RIMBP2: variants seen among roughly 807,000 people sequenced by gnomAD.
RIMBP2 encodes RIMS binding protein 2.
A neutral mutation model predicts 118.6 loss-of-function variants in RIMBP2; 48 were observed. The ratio of observed to expected loss-of-function variants is 0.40; its 90% CI spans 0.32 to 0.51. The LOEUF is 0.51. Among genes scored for constraint, RIMBP2 ranks in the 20% least tolerant of loss-of-function variants. RIMBP2 has a pLI of 0.41. For missense variants in RIMBP2, 1,551 were observed against 1,768.3 expected (o/e 0.88, Z 2.20); for synonymous variants, 762 against 742.9 (o/e 1.03, Z -0.42).
chr12:130,461,433 G>A (rs113326735), intron 6 of RIMBP2, among the ~76,000 whole-genome samples: 11 of 152,294 alleles, frequency 7.2e-5, no homozygotes, highest in East Asian at 1.9e-4. Context: ...GCCTCGGCCC[G>A]GGTGCAGCCC....
rs990554166 is a variant in RIMBP2 at position 130,459,247 on chromosome 12, C to T, written c.154-2547G>A. On this transcript the variant is annotated intron_variant, in intron 6 of 22. Transcript: ENST00000690449. The stretch of plus-strand genomic sequence containing the variant: ...CTGATGGTGGTGGTGGTGGTGGTTA[C>T]GAGAATCTGTATATACCACCAAATG... Among the ~76,000 whole-genome samples the T allele has an allele frequency of 6.7e-5, 10 of 148,304 alleles. 1 individual carries two copies. The highest frequency in any genetic ancestry group is 6.1e-4 in the Admixed American group (9 of 14,848).
At chr12:130,449,785 G>A (rs921255916) in intron 9 of RIMBP2, among the ~76,000 whole-genome samples, 3 of 152,052 alleles carry the variant, frequency 2.0e-5, no homozygotes, top group Non-Finnish European at 2.9e-5. Flanking sequence ...AGGGCGAGGC[G>A]GCCAGGCAGG....
At chr12:130,536,152 A>T (rs568743999) in intron 2 of RIMBP2, among the ~76,000 whole-genome samples, 15 of 152,138 alleles carry the variant, frequency 9.9e-5, no homozygotes, top group Non-Finnish European at 2.1e-4. Flanking sequence ...GCATTTAAGT[A>T]ATAGTGTGGG....
intron 4 of RIMBP2, among the ~76,000 whole-genome samples, chr12:130,497,050 C>T (rs934747556): frequency 2.0e-5 from 3 of 152,064 alleles, no homozygotes; most frequent in South Asian, 2.1e-4. Context: ...CTGGGCGCTC[C>T]ATGGCTCTGA....
intron 1 of RIMBP2, among the ~76,000 whole-genome samples, chr12:130,692,706 C>T (rs1408750655): frequency 6.6e-6 from 1 of 151,860 alleles, no homozygotes; most frequent in African/African-American, 2.4e-5. Context: ...AAAAACTAAA[C>T]ATGGAATGGG....
At position 130,446,025 on chromosome 12, in the gene RIMBP2, C is replaced by CCG. The variant is rs893693591; in HGVS notation, c.582-757_582-756insCG. Among the ~76,000 whole-genome samples the CCG allele has an allele frequency of 2.0e-5, 3 of 149,772 alleles. No individual in the cohort carries two copies. The highest frequency in any genetic ancestry group is 4.5e-5 in the Non-Finnish European group (3 of 66,956). On this transcript the variant is annotated intron_variant, in intron 9 of 22. Transcript: ENST00000690449. This position sits in a 1 kb window ranked among gnomAD's most constrained non-coding sequence, Gnocchi z 4.1. ...CAGACGCATGATTTTATGCTCCCCC[C>CCG]CCCCACACCCCCAGGAATATAAGAG...
chr12:130,421,970 G>A (rs1462267607), intron 17 of RIMBP2, among the ~76,000 whole-genome samples: 1 of 152,184 alleles, frequency 6.6e-6, no homozygotes, highest in Non-Finnish European at 1.5e-5. Context: ...GATGGATGTG[G>A]GGAGCACACA....
At chr12:130,597,960 T>C (rs569442652) in intron 2 of RIMBP2, among the ~76,000 whole-genome samples, 2 of 152,302 alleles carry the variant, frequency 1.3e-5, no homozygotes, top group East Asian at 3.9e-4. Flanking sequence ...TCTTTATTTG[T>C]GGACAACAGG....
intron 14 of RIMBP2, 95 bp from the exon 15 acceptor site, chr12:130,428,432 G>T: frequency 1.5e-6 from 2 of 1,331,642 alleles, no homozygotes; most frequent in African/African-American, 1.5e-5. Context: ...CTGCTTCGCT[G>T]ACTCACGGGG....
At chr12:130,459,706 C>T (rs919010995) in intron 6 of RIMBP2, among the ~76,000 whole-genome samples, 2 of 151,946 alleles carry the variant, frequency 1.3e-5, no homozygotes, top group Non-Finnish European at 2.9e-5. Flanking sequence ...GAGGACAGGT[C>T]GTCGCAATAC....
At chr12:130,496,774 G>C (rs530309365) in intron 4 of RIMBP2, among the ~76,000 whole-genome samples, 99 of 152,274 alleles carry the variant, frequency 6.5e-4, no homozygotes, top group African/African-American at 2.2e-3. Context: ...AAGGAGGACC[G>C]CACACTTCTC....
intron 5 of RIMBP2, 63 bp from the exon 6 acceptor site, chr12:130,470,806 C>A: frequency 1.0e-6 from 1 of 980,720 alleles, no homozygotes; most frequent in South Asian, 5.2e-5. Context: ...ACAATCGGAT[C>A]AATGTCTGAA....
chr12:130,401,624 TTA>T (rs767344274), intron 21 of RIMBP2, among the ~76,000 whole-genome samples: 1 of 151,888 alleles, frequency 6.6e-6, no homozygotes, highest in Non-Finnish European at 1.5e-5. Flanking sequence ...CATTATTAGC[TTA>T]TTTTTCTCTG....
In RIMBP2 at chr12:130,523,839, A is replaced by AGGTGAGAGGAATTCTCGGTATCT. The variant is rs2052450293; in HGVS notation, c.-216-5945_-216-5923dup. Among the ~76,000 whole-genome samples the AGGTGAGAGGAATTCTCGGTATCT allele has an allele frequency of 6.6e-6, 1 of 152,046 alleles. No individual in the cohort carries two copies. Among genetic ancestry groups the AGGTGAGAGGAATTCTCGGTATCT allele is most frequent in the African/African-American group, 2.4e-5 (1 of 41,404 alleles). On this transcript the variant is annotated intron_variant, in intron 2 of 22. Coordinates refer to ENST00000690449, the MANE Select transcript of RIMBP2 (RefSeq NM_001393629.1). The surrounding 1 kb of genome is among the most constrained non-coding windows in gnomAD (Gnocchi z 4.4). The stretch of plus-strand genomic sequence containing the variant: ...CAGGAACGCCAGTTGCTATGGGGAG[A>AGGTGAGAGGAATTCTCGGTATCT]GGTGAGAGGAATTCTCGGTATCTCC...
chr12:130,582,306 T>C (rs766486634), intron 2 of RIMBP2, among the ~76,000 whole-genome samples: 1 of 152,156 alleles, frequency 6.6e-6, no homozygotes, highest in Non-Finnish European at 1.5e-5. Flanking sequence ...CTCAATAAAC[T>C]AGTATTGCAC....
chr12:130,557,798 G>A (rs2056492501), intron 2 of RIMBP2, among the ~76,000 whole-genome samples: 1 of 152,142 alleles, frequency 6.6e-6, no homozygotes, highest in African/African-American at 2.4e-5. Context: ...CTGTAGACAA[G>A]AGTGTCACCT....
rs77277251 is a variant in RIMBP2 at position 130,525,928 on chromosome 12, G to A, written c.-216-8011C>T. ...AGTAACTGAGCGAGCAGCCTCCCCC[G>A]AGCATGTGGAGGGGTGGGACTCAAG... On this transcript the variant is annotated intron_variant, in intron 2 of 22. Transcript: ENST00000690449. The surrounding 1 kb of genome is among the most constrained non-coding windows in gnomAD (Gnocchi z 4.4). Among the ~76,000 whole-genome samples, 705 of 152,166 alleles carry A rather than the reference G, an allele frequency of 4.6e-3. 7 individuals are homozygous for A. The highest frequency in any genetic ancestry group is 0.016 in the African/African-American group (680 of 41,528).
chr12:130,483,534 A>G (rs11060938), intron 4 of RIMBP2, among the ~76,000 whole-genome samples: 117,925 of 151,796 alleles, frequency 0.78, 47,256 homozygotes, highest in Non-Finnish European at 0.9. Context: ...GAGAAGGCCA[A>G]GGAAGCCCCC....
At chr12:130,636,043 A>T (rs749499963) in intron 1 of RIMBP2, among the ~76,000 whole-genome samples, 4 of 152,068 alleles carry the variant, frequency 2.6e-5, no homozygotes, top group Non-Finnish European at 5.9e-5. Context: ...TAAGCCCTCA[A>T]GGTTCATCTC....
Sources: allele counts gnomAD v4.1 joint callset (sites outside exome capture counted in the v4.1 genomes callset), GRCh38; gene constraint gnomAD v4.1.1; non-coding constraint Gnocchi (gnomAD v3.1); transcripts MANE v1.5; gene names NCBI Gene and HGNC (gene_info 2026-07-23, HGNC 2026-07-21).